The following BBS9 variants were observed in gnomAD, a reference collection of about 807,000 sequenced individuals.
The protein encoded by BBS9 is protein PTHB1.
Under a neutral mutation model 117.7 loss-of-function variants are expected in BBS9, and 89 were observed. The observed-to-expected ratio is 0.76, with a 90% CI of 0.64 to 0.90. The LOEUF is 0.90. BBS9 is among the 40% of genes least tolerant of loss of function. The pLI is 0.00. For synonymous variants in BBS9, 379 were observed against 370.9 expected (o/e 1.02, Z -0.25); for missense variants, 982 against 1,042.2 (o/e 0.94, Z 0.80).
rs181378040 is a variant in BBS9, at chr7:33,491,067, G to A, written c.2116-14396G>A. 1.7e-3 allele frequency among the ~76,000 whole-genome samples: 266 copies of A among 152,230 alleles called. 1 individual carries two copies. Among genetic ancestry groups the A allele is most frequent in the African/African-American group, 5.7e-3 (235 of 41,542 alleles). ...AGGAACTCATGCTTGGCCTATAGTA[G>A]GTCCTACCTAGGAAGTATGGGGAGA... On this transcript the variant is annotated intron_variant, in intron 19 of 22. Transcript: ENST00000242067.
rs189431360 is a variant in BBS9, at chr7:33,445,046, G to A, written c.2115+56902G>A. ...AGAAAAATAGTACATGTATGTTGAGGGGAAGTGAGTGGAGAAAGGAGAGGA... is the reference window on the plus strand; with the variant it reads ...AGAAAAATAGTACATGTATGTTGAGAGGAAGTGAGTGGAGAAAGGAGAGGA... On this transcript the variant is annotated intron_variant, in intron 19 of 22. Transcript: ENST00000242067. Among the ~76,000 whole-genome samples, 10 of 152,130 alleles carry A rather than the reference G, an allele frequency of 6.6e-5. No homozygotes were observed. In the East Asian group the frequency reaches 1.9e-3, roughly 29 times the overall value.
rs180958623 is a variant in BBS9, at chr7:33,457,072, A to T, written c.2116-48391A>T. On this transcript the variant is annotated intron_variant, in intron 19 of 22. Transcript: ENST00000242067. ...AGAGGGGGCCATACGTGTACGTCAG[A>T]CTATTTTAAAGCTAGTCCTTTGGGA... Among the ~76,000 whole-genome samples, 578 of 152,292 alleles carry T rather than the reference A, an allele frequency of 3.8e-3. 2 individuals are homozygous for T. The highest frequency in any genetic ancestry group is 7.1e-3 in the Non-Finnish European group (481 of 68,016).
chr7:33,328,252 C>T (rs1271884070), intron 9 of BBS9, among the ~76,000 whole-genome samples: 1 of 152,186 alleles, frequency 6.6e-6, no homozygotes, highest in Non-Finnish European at 1.5e-5. Context: ...CATGCAGGCC[C>T]ATTGCACTCT....
chr7:33,535,927 C>T (rs775865760), intron 21 of BBS9, among the ~76,000 whole-genome samples: 15 of 152,030 alleles, frequency 9.9e-5, no homozygotes, highest in Non-Finnish European at 2.1e-4. Context: ...CTTTCCTGTT[C>T]AGGGATCCTC....
chr7:33,166,483 G>C (rs537484663), intron 4 of BBS9, among the ~76,000 whole-genome samples: 57 of 152,386 alleles, frequency 3.7e-4, no homozygotes, highest in Non-Finnish European at 7.2e-4. Context: ...TACAGAGGCA[G>C]ATGGCCTTGC....
intron 20 of BBS9, among the ~76,000 whole-genome samples, chr7:33,532,544 T>A (rs1850752904): frequency 6.6e-6 from 1 of 152,194 alleles, no homozygotes; most frequent in South Asian, 2.1e-4. Flanking sequence ...AGATGCCAGA[T>A]GCTTATTAAA....
At chr7:33,195,858 A>C (rs1784853605) in intron 5 of BBS9, among the ~76,000 whole-genome samples, 1 of 152,182 alleles carries the variant, frequency 6.6e-6, no homozygotes, top group African/African-American at 2.4e-5. Flanking sequence ...TTAATGTCAG[A>C]GTCTAGATAT....
intron 9 of BBS9, among the ~76,000 whole-genome samples, chr7:33,316,301 A>G (rs1191019998): frequency 1.3e-5 from 2 of 152,034 alleles, no homozygotes; most frequent in African/African-American, 4.8e-5. Flanking sequence ...GTGGCAATTT[A>G]TTTTTCTATT....
intron 4 of BBS9, among the ~76,000 whole-genome samples, chr7:33,175,104 G>T (rs1017744365): frequency 3.3e-5 from 5 of 152,290 alleles, no homozygotes; most frequent in African/African-American, 4.8e-5. Flanking sequence ...AGGAGTTTGA[G>T]ACCAGCCTGG....
At position 33,383,798 on chromosome 7, in the gene BBS9, C is replaced by A; in HGVS notation, c.1922C>A (p.Pro641His). ...DFACSFSGSI[P>H]LQEYFELIDH... Reference sequence around the variant, plus strand: ...GCATGTTCTTTTTCGGGATCTATACCCCTTCAAGAATATTTTGAGTTGATT... The same window carrying A: ...GCATGTTCTTTTTCGGGATCTATACACCTTCAAGAATATTTTGAGTTGATT... Residue 641 changes from proline to histidine, a missense_variant, in exon 18 of 23, where the codon CCC becomes CAC. Pro to His is a moderately conservative substitution (Grantham distance 77). Transcript: ENST00000242067. 1.9e-6 allele frequency: 3 copies of A among 1,612,398 alleles called. No individual in the cohort carries two copies. The highest frequency in any genetic ancestry group is 2.5e-6 in the Non-Finnish European group (3 of 1,179,820).
rs748355352 is a variant in BBS9, at chr7:33,273,054, T to C, written c.745T>C (p.Cys249Arg). ...LNIGEQALDI[C>R]IVSFNQSASS... Reference sequence around the variant, plus strand: ...TATTGGAGAGCAAGCCCTTGACATATGTATTGTCTCTTTCAATCAGTCGGC... The same window carrying C: ...TATTGGAGAGCAAGCCCTTGACATACGTATTGTCTCTTTCAATCAGTCGGC... Residue 249 changes from cysteine (C) to arginine (R), a missense_variant, in exon 8 of 23, where the codon TGT (cysteine) becomes CGT (arginine). Physicochemically the swap from Cys to Arg is radical, Grantham distance 180. Coordinates refer to ENST00000242067, the MANE Select transcript of BBS9 (RefSeq NM_198428.3). 3.1e-6 allele frequency: 5 copies of C among 1,613,774 alleles called. No homozygotes were observed. Among genetic ancestry groups the C allele is most frequent in the Non-Finnish European group, 3.4e-6 (4 of 1,179,786 alleles).
At chr7:33,616,493 G>GTATA (rs66529823) in intron 21 of BBS9, among the ~76,000 whole-genome samples, 1,401 of 136,380 alleles carry the variant, frequency 0.01, 9 homozygotes, top group Middle Eastern at 0.031. Flanking sequence ...GTGTGTGTGT[G>GTATA]TATATATATA....
intron 21 of BBS9, among the ~76,000 whole-genome samples, chr7:33,595,987 CAAG>C (rs1352568664): frequency 6.6e-6 from 1 of 151,738 alleles, no homozygotes; most frequent in African/African-American, 2.4e-5. Context: ...CACATGGACA[CAAG>C]GAGGGGAACA....
At chr7:33,308,831 C>T (rs1808574587) in intron 9 of BBS9, among the ~76,000 whole-genome samples, 1 of 152,198 alleles carries the variant, frequency 6.6e-6, no homozygotes, top group Admixed American at 6.5e-5. Context: ...GAAGACTCCA[C>T]CTCTCACTTA....
intron 17 of BBS9, among the ~76,000 whole-genome samples, chr7:33,368,597 C>CACAA (rs1161311212): frequency 6.6e-6 from 1 of 151,348 alleles, no homozygotes; most frequent in Admixed American, 6.6e-5. Flanking sequence ...CACACACACA[C>CACAA]ACACACACAC....
intron 5 of BBS9, among the ~76,000 whole-genome samples, chr7:33,218,284 A>G (rs1022145639): frequency 3.9e-5 from 6 of 152,192 alleles, no homozygotes; most frequent in Admixed American, 3.9e-4. Flanking sequence ...AAAAATTTCA[A>G]ATTCAGGGAA....
chr7:33,534,094 C>A lies in BBS9; in HGVS notation c.2439C>A (p.Thr813=). Residue 813 remains threonine, a synonymous_variant, in exon 21 of 23, where the codon ACC becomes ACA. Transcript: ENST00000242067. ...CAAGCCAACTGAAGAAACATATCAC[C>A]TTGCTCTGCGATAGATTATCCAAAG... ...KDTSQLKKHI[T]LLCDRLSKGG... 1 of 1,614,202 alleles carries A rather than the reference C, an allele frequency of 6.2e-7. No individual in the cohort carries two copies. The highest frequency in any genetic ancestry group is 8.5e-7 in the Non-Finnish European group (1 of 1,180,038).
At chr7:33,533,073 T>C (rs1057502592) in intron 20 of BBS9, among the ~76,000 whole-genome samples, 4 of 152,272 alleles carry the variant, frequency 2.6e-5, no homozygotes, top group African/African-American at 9.6e-5. Flanking sequence ...CCTGGGAGCC[T>C]CTGGGGATGC....
chr7:33,499,940 A>C (rs947495100), intron 19 of BBS9, among the ~76,000 whole-genome samples: 3 of 152,240 alleles, frequency 2.0e-5, no homozygotes, highest in Non-Finnish European at 4.4e-5. Context: ...AAATAAATGA[A>C]TCATCCCCTT....
Sources: gnomAD v4.1 joint callset for allele counts (sites outside exome capture counted in the v4.1 genomes callset) on GRCh38, gnomAD v4.1.1 for gene constraint, MANE v1.5 for transcripts, NCBI Gene and HGNC (gene_info 2026-07-23, HGNC 2026-07-21) for gene names.